IGSF11: variants seen among roughly 807,000 people sequenced by gnomAD.
IGSF11 encodes immunoglobulin superfamily member 11.
Under a neutral mutation model 41.0 loss-of-function variants are expected in IGSF11, and 22 were observed. The ratio of observed to expected loss-of-function variants is 0.54; its 90% CI spans 0.38 to 0.77. The LOEUF (loss-of-function observed/expected upper bound fraction) is 0.77, where lower values mean the gene tolerates loss of function less well. Among genes scored for constraint, IGSF11 ranks in the 30% least tolerant of loss-of-function variants. The probability of loss-of-function intolerance (pLI) is 0.00; values close to 1 mark genes in which losing one functional copy is unlikely to be tolerated. For missense variants in IGSF11, 444 were observed against 530.8 expected, an observed-to-expected ratio of 0.84 and a Z score of 1.61; for synonymous variants, 219 against 201.3, an observed-to-expected ratio of 1.09 and a Z score of -0.74.
In IGSF11 at chr3:118,984,638, G is replaced by T. The variant is rs537659937; in HGVS notation, c.52+49893C>A. On this transcript the variant is annotated intron_variant, in intron 1 of 6. Transcript: ENST00000393775. Reference sequence around the variant, plus strand: ...TGTAAATTCAAATGAAAGAGGGTAGGAAGAGACAGGTTACCATAAATCTCA... The same window carrying T: ...TGTAAATTCAAATGAAAGAGGGTAGTAAGAGACAGGTTACCATAAATCTCA... Among the ~76,000 whole-genome samples the T allele has an allele frequency of 1.2e-3, 181 of 152,236 alleles. 1 individual carries two copies. Among genetic ancestry groups the T allele is most frequent in the Admixed American group, 2.6e-3 (40 of 15,284 alleles).
chr3:119,136,119 G>T (rs4638962), intron 1 of IGSF11, among the ~76,000 whole-genome samples: 10,220 of 152,138 alleles, frequency 0.067, 662 homozygotes, highest in South Asian at 0.18. Flanking sequence ...TGTAAATGAC[G>T]AGTTGATGGG....
intron 1 of IGSF11, among the ~76,000 whole-genome samples, chr3:119,024,856 CA>C (rs1939662613): frequency 6.6e-6 from 1 of 151,982 alleles, no homozygotes; most frequent in South Asian, 2.1e-4. Flanking sequence ...GATTAGAATA[CA>C]GTGATTGAGG....
At chr3:119,031,511 C>T (rs1940395692) in intron 1 of IGSF11, among the ~76,000 whole-genome samples, 1 of 152,208 alleles carries the variant, frequency 6.6e-6, no homozygotes, top group African/African-American at 2.4e-5. Context: ...TGTGAAAACA[C>T]ATTTCAAAAT....
chr3:119,017,375 C>T (rs1404583216), intron 1 of IGSF11, among the ~76,000 whole-genome samples: 2 of 152,166 alleles, frequency 1.3e-5, no homozygotes, highest in African/African-American at 4.8e-5. Context: ...GCAATTATAA[C>T]ATGATGGTAA....
At chr3:119,025,933 C>T (rs894959714) in intron 1 of IGSF11, among the ~76,000 whole-genome samples, 2 of 152,042 alleles carry the variant, frequency 1.3e-5, no homozygotes, top group African/African-American at 4.8e-5. Flanking sequence ...TACTAAACTT[C>T]CATTAAAAAG....
chr3:119,132,383 A>T (rs2077495029), intron 1 of IGSF11, among the ~76,000 whole-genome samples: 4 of 17,148 alleles, frequency 2.3e-4, no homozygotes, highest in African/African-American at 3.4e-4. Flanking sequence ...GAAAGCAAAA[A>T]AAAAAAAAAA....
At chr3:119,016,885 T>C (rs887608614) in intron 1 of IGSF11, among the ~76,000 whole-genome samples, 1 of 152,210 alleles carries the variant, frequency 6.6e-6, no homozygotes, top group Non-Finnish European at 1.5e-5. Flanking sequence ...GTTGTACTTC[T>C]AACCTGACAA....
At chr3:119,110,515 G>T (rs2077132735) in intron 1 of IGSF11, among the ~76,000 whole-genome samples, 1 of 152,168 alleles carries the variant, frequency 6.6e-6, no homozygotes, top group South Asian at 2.1e-4. Context: ...CCTGAATACA[G>T]CACACTGATG....
At chr3:119,051,012 G>C (rs1941602390) in intron 1 of IGSF11, among the ~76,000 whole-genome samples, 1 of 136,216 alleles carries the variant, frequency 7.3e-6, no homozygotes, top group Non-Finnish European at 1.6e-5. Flanking sequence ...GGGGGGAGGG[G>C]GGAGGGATGG....
At chr3:118,998,986 A>T (rs1305968352) in intron 1 of IGSF11, among the ~76,000 whole-genome samples, 1 of 152,040 alleles carries the variant, frequency 6.6e-6, no homozygotes, top group Admixed American at 6.5e-5. Context: ...TTATGAAAAA[A>T]TTTTTTAATA....
intron 1 of IGSF11, among the ~76,000 whole-genome samples, chr3:119,004,261 G>A (rs1426507480): frequency 5.9e-5 from 9 of 151,594 alleles, no homozygotes; most frequent in African/African-American, 2.2e-4. Context: ...AGAGGTGTTT[G>A]TAGTATTCTC....
At chr3:119,107,335 C>T (rs1476374485), upstream of IGSF11, among the ~76,000 whole-genome samples, 1 of 152,174 alleles carries the variant, frequency 6.6e-6, no homozygotes, top group Admixed American at 6.5e-5. Context: ...TCTCTGATGG[C>T]CAGTGATGAT....
chr3:118,966,842 A>G (rs1013134966), intron 1 of IGSF11, among the ~76,000 whole-genome samples: 2 of 152,174 alleles, frequency 1.3e-5, no homozygotes, highest in South Asian at 2.1e-4. Flanking sequence ...AGCCAAGCCA[A>G]TCTTCCTCTC....
rs79050040 is a variant in IGSF11 at position 118,970,766 on chromosome 3, A to G, written c.53-40491T>C. 9.0e-4 allele frequency among the ~76,000 whole-genome samples: 134 copies of G among 149,538 alleles called. 1 individual carries two copies. In the South Asian group the frequency reaches 0.028, roughly 32 times the overall value. On this transcript the variant is annotated intron_variant, in intron 1 of 6. Coordinates refer to ENST00000393775, the MANE Select transcript of IGSF11 (RefSeq NM_001015887.3). ...ACAGTTTTACAAAAAAAAAAAAAAA[A>G]CCACAACTAATTTTAAAAGTTTTTA... is the stretch of plus-strand genomic sequence containing the variant.
intron 1 of IGSF11, among the ~76,000 whole-genome samples, chr3:119,087,768 T>C (rs902816433): frequency 1.3e-5 from 2 of 151,744 alleles, no homozygotes; most frequent in African/African-American, 4.8e-5. Flanking sequence ...CAAAAACCTA[T>C]TGAAATAAAA....
intron 1 of IGSF11, among the ~76,000 whole-genome samples, chr3:119,087,135 TA>T (rs2076689017): frequency 1.3e-5 from 2 of 151,916 alleles, no homozygotes; most frequent in Admixed American, 1.3e-4. Context: ...TTTAAAGCAA[TA>T]AAAATTAAGA....
At chr3:119,084,637 G>T (rs919842240) in intron 1 of IGSF11, among the ~76,000 whole-genome samples, 1 of 152,230 alleles carries the variant, frequency 6.6e-6, no homozygotes, top group Non-Finnish European at 1.5e-5. Context: ...CTGCCCTGCA[G>T]TCTTGCCTGC....
chr3:119,057,576 C>G (rs1056710060), intron 1 of IGSF11, among the ~76,000 whole-genome samples: 2 of 152,232 alleles, frequency 1.3e-5, no homozygotes, highest in Admixed American at 1.3e-4. Context: ...CAATGCCATC[C>G]CCATCAAGCT....
In IGSF11 at chr3:118,914,056, G is replaced by GT. The variant is rs931300259; in HGVS notation, c.581-8339dup. The stretch of plus-strand genomic sequence containing the variant: ...TCCTATTATTTGGATAGAGAGTAGA[G>GT]TTTTTTTTTACTTCTAGACTACATT... On this transcript the variant is annotated intron_variant, in intron 4 of 6. Transcript: ENST00000393775. 1.4e-3 allele frequency among the ~76,000 whole-genome samples: 208 copies of GT among 151,436 alleles called. 1 individual carries two copies. Among genetic ancestry groups the GT allele is most frequent in the African/African-American group, 3.4e-3 (141 of 41,302 alleles).
Sources: allele counts gnomAD v4.1 joint callset (sites outside exome capture counted in the v4.1 genomes callset), GRCh38; gene constraint gnomAD v4.1.1; transcripts MANE v1.5; gene names NCBI Gene and HGNC (gene_info 2026-07-23, HGNC 2026-07-21).